The following NTM variants were observed in gnomAD, a reference collection of about 807,000 sequenced individuals.
The protein encoded by NTM is neurotrimin, also known as IgLON family member 2.
NTM carries 13 observed loss-of-function variants against 42.1 expected under a neutral mutation model. That is an observed-to-expected ratio of 0.31 (90% CI 0.20 to 0.49). The LOEUF (loss-of-function observed/expected upper bound fraction) is 0.49. NTM is among the 20% of genes least tolerant of loss of function. The pLI, the probability that NTM is intolerant of heterozygous loss-of-function variation, is 0.99. For missense variants in NTM, 373 were observed against 452.8 expected, an observed-to-expected ratio of 0.82 and a Z score of 1.60; for synonymous variants, 187 against 179.2, an observed-to-expected ratio of 1.04 and a Z score of -0.35.
chr11:131,378,901 A>G (rs149116782), intron 1 of NTM, among the ~76,000 whole-genome samples: 4 of 152,280 alleles, frequency 2.6e-5, no homozygotes, highest in East Asian at 1.9e-4. Flanking sequence ...CAGAACCTCA[A>G]TGACAATTTT....
intron 1 of NTM, among the ~76,000 whole-genome samples, chr11:131,569,166 CAG>C (rs903853378): frequency 6.9e-6 from 1 of 145,146 alleles, no homozygotes; most frequent in African/African-American, 2.7e-5. Flanking sequence ...TTTTTTGAGA[CAG>C]AGTTTCGCTC....
chr11:131,584,677 G>C (rs1004608317), intron 1 of NTM, among the ~76,000 whole-genome samples: 1 of 152,188 alleles, frequency 6.6e-6, no homozygotes, highest in African/African-American at 2.4e-5. Flanking sequence ...CTGGGGTTTC[G>C]GCAAGATGCC....
At chr11:131,670,632 G>A (rs1169919411) in intron 1 of NTM, among the ~76,000 whole-genome samples, 3 of 152,138 alleles carry the variant, frequency 2.0e-5, no homozygotes, top group Non-Finnish European at 2.9e-5. Flanking sequence ...ATGTGGTACT[G>A]GGGCAGGAGA....
intron 7 of NTM, among the ~76,000 whole-genome samples, chr11:132,316,190 G>T (rs1297012592): frequency 1.5e-4 from 22 of 144,682 alleles, no homozygotes; most frequent in Admixed American, 1.5e-3. Flanking sequence ...GCTTTATCAT[G>T]ATTGTATACT....
intron 3 of NTM, among the ~76,000 whole-genome samples, chr11:132,203,486 G>A (rs557563212): frequency 6.6e-6 from 1 of 152,068 alleles, no homozygotes; most frequent in Non-Finnish European, 1.5e-5. Context: ...TTAAAACCTC[G>A]GCTTCTGATA....
chr11:131,993,161 A>G (rs1156282147), intron 2 of NTM, among the ~76,000 whole-genome samples: 1 of 152,172 alleles, frequency 6.6e-6, no homozygotes, highest in African/African-American at 2.4e-5. Flanking sequence ...CATGGGATCA[A>G]TTTGCGTCAT....
At chr11:132,030,454 C>A (rs1305540358) in intron 2 of NTM, among the ~76,000 whole-genome samples, 1 of 152,054 alleles carries the variant, frequency 6.6e-6, no homozygotes, top group Admixed American at 6.6e-5. Flanking sequence ...CGTTTTCTGG[C>A]CTATAGGCTA....
At chr11:131,469,365 G>T (rs948466365) in intron 1 of NTM, among the ~76,000 whole-genome samples, 3 of 152,122 alleles carry the variant, frequency 2.0e-5, no homozygotes, top group East Asian at 1.9e-4. Flanking sequence ...ATCTTCCTCA[G>T]CTATGAGGAA....
chr11:132,114,685 G>A (rs2063649570), intron 2 of NTM, among the ~76,000 whole-genome samples: 1 of 152,194 alleles, frequency 6.6e-6, no homozygotes. Context: ...GTTGTTTCTA[G>A]GGGGAAGGAT....
At chr11:131,453,750 G>C (rs1161021231) in intron 1 of NTM, among the ~76,000 whole-genome samples, 1 of 152,174 alleles carries the variant, frequency 6.6e-6, no homozygotes, top group East Asian at 1.9e-4. Context: ...GGAGCCATTT[G>C]CCATCTCTAA....
intron 2 of NTM, among the ~76,000 whole-genome samples, chr11:132,090,740 C>G (rs954701031): frequency 6.6e-6 from 1 of 152,146 alleles, no homozygotes; most frequent in African/African-American, 2.4e-5. Flanking sequence ...ATGGCTTCAT[C>G]TATCACTGTC....
At chr11:131,600,150 C>G (rs1043704032) in intron 1 of NTM, among the ~76,000 whole-genome samples, 5 of 152,166 alleles carry the variant, frequency 3.3e-5, no homozygotes, top group East Asian at 1.9e-4. Context: ...TCGGACCCTC[C>G]TCCCAGCAGC....
chr11:131,564,310 C>A (rs2056603001), intron 1 of NTM, among the ~76,000 whole-genome samples: 1 of 151,950 alleles, frequency 6.6e-6, no homozygotes, highest in Non-Finnish European at 1.5e-5. Flanking sequence ...AAATTATTTC[C>A]CATAATTCTG....
At chr11:131,516,826 C>T (rs1348125401) in intron 1 of NTM, among the ~76,000 whole-genome samples, 3 of 152,212 alleles carry the variant, frequency 2.0e-5, no homozygotes, top group African/African-American at 7.2e-5. Context: ...CTCTCTGTTT[C>T]ACTCTCATCC....
chr11:132,157,808 G>A (rs149504718), intron 3 of NTM, among the ~76,000 whole-genome samples: 2 of 152,222 alleles, frequency 1.3e-5, no homozygotes, highest in Non-Finnish European at 2.9e-5. Context: ...TTGCCATCTG[G>A]TAAATGGCAA....
chr11:131,467,120 C>G (rs567204354), intron 1 of NTM, among the ~76,000 whole-genome samples: 1 of 152,122 alleles, frequency 6.6e-6, no homozygotes, highest in South Asian at 2.1e-4. Context: ...TATATATTTA[C>G]TGTTGGTAAA....
rs183742431 is a variant in NTM, at chr11:132,070,598, A to G, written c.168-75684A>G. On this transcript the variant is annotated intron_variant, in intron 2 of 8. Coordinates refer to ENST00000683400, the MANE Select transcript of NTM (RefSeq NM_001352005.2). Reference sequence around the variant, plus strand: ...GCCAAGTTAACACGTCAAACTGACCATCACAGGTTAGTTAACACATCACAC... The same window carrying G: ...GCCAAGTTAACACGTCAAACTGACCGTCACAGGTTAGTTAACACATCACAC... 2.3e-3 allele frequency among the ~76,000 whole-genome samples: 293 copies of G among 124,874 alleles called. 22 individuals carry two copies. Among genetic ancestry groups the G allele is most frequent in the African/African-American group, 7.2e-3 (235 of 32,864 alleles). The allele number at this position is 124,874 out of a possible 152,430, so 81.9% of individuals were successfully genotyped here. A position where few individuals can be genotyped will look rare whatever the true frequency, so the allele number is the denominator to read the frequency against.
intron 1 of NTM, among the ~76,000 whole-genome samples, chr11:131,492,844 C>T (rs1336205541): frequency 6.6e-6 from 1 of 152,102 alleles, no homozygotes; most frequent in Non-Finnish European, 1.5e-5. Flanking sequence ...AAACTGAATA[C>T]ATAAAAGTGT....
intron 4 of NTM, among the ~76,000 whole-genome samples, chr11:132,271,054 G>C (rs1004774936): frequency 9.2e-5 from 14 of 152,094 alleles, no homozygotes; most frequent in Admixed American, 5.2e-4. Flanking sequence ...CATACCTTTT[G>C]TAAGTGACCT....
Sources: allele counts gnomAD v4.1 joint callset (sites outside exome capture counted in the v4.1 genomes callset), GRCh38; gene constraint gnomAD v4.1.1; transcripts MANE v1.5; gene names NCBI Gene and HGNC (gene_info 2026-07-23, HGNC 2026-07-21).